The following MTMR14 variants were observed in gnomAD, a reference collection of about 807,000 sequenced individuals.
The protein encoded by MTMR14 is phosphatidylinositol-3,5-bisphosphate 3-phosphatase MTMR14.
Under a neutral mutation model 86.3 loss-of-function variants are expected in MTMR14, and 48 were observed. The observed-to-expected ratio is 0.56, with a 90% CI of 0.44 to 0.71. The LOEUF is 0.71. Among genes scored for constraint, MTMR14 ranks in the 30% least tolerant of loss-of-function variants. The pLI is 0.00. For missense variants in MTMR14, 780 were observed against 834.6 expected, an observed-to-expected ratio of 0.93 and a Z score of 0.81; for synonymous variants, 366 against 326.1, an observed-to-expected ratio of 1.12 and a Z score of -1.32.
intron 1 of MTMR14, chr3:9,650,399 T>G (rs781106124): frequency 2.2e-6 from 1 of 456,256 alleles, no homozygotes; most frequent in South Asian, 1.5e-5. Context: ...TGGCTGGCAG[T>G]GCGGTGGGAA....
rs150843164 is a variant in MTMR14, at chr3:9,664,778, G to A, written c.417+2403G>A. Among the ~76,000 whole-genome samples the A allele has an allele frequency of 2.1e-3, 313 of 152,290 alleles. 4 individuals are homozygous for A. Among genetic ancestry groups the A allele is most frequent in the African/African-American group, 7.3e-3 (305 of 41,564 alleles). On this transcript the variant is annotated intron_variant, in intron 3 of 18. Coordinates refer to ENST00000296003, the MANE Select transcript of MTMR14 (RefSeq NM_001077525.3). ...AAAGGGTTCTGACAGGAACAAGGGG[G>A]AGGAGTGGGGATGGTTAATGGGTGC...
intron 18 of MTMR14, chr3:9,699,975 A>C (rs1295619273): frequency 6.6e-6 from 1 of 152,268 alleles, no homozygotes; most frequent in Non-Finnish European, 1.5e-5. Flanking sequence ...ATGGTAGTAC[A>C]GGAATCCAGT....
chr3:9,660,245 C>T (rs1031579189), intron 2 of MTMR14, among the ~76,000 whole-genome samples: 13 of 151,880 alleles, frequency 8.6e-5, no homozygotes, highest in African/African-American at 3.1e-4. Flanking sequence ...GTTGCTGCCA[C>T]CCTACGGGCA....
At chr3:9,691,763 C>T (rs1389035279) in intron 17 of MTMR14, among the ~76,000 whole-genome samples, 2 of 152,140 alleles carry the variant, frequency 1.3e-5, no homozygotes, top group Admixed American at 6.5e-5. Context: ...CCACCAAGGC[C>T]CCCTCTTGGG....
intron 17 of MTMR14, among the ~76,000 whole-genome samples, chr3:9,695,439 C>T (rs990509066): frequency 6.6e-6 from 1 of 152,118 alleles, no homozygotes; most frequent in African/African-American, 2.4e-5. Flanking sequence ...TGCTTCTGTC[C>T]CCTGGGATCA....
intron 17 of MTMR14, among the ~76,000 whole-genome samples, chr3:9,697,450 C>T (rs1399798248): frequency 6.6e-6 from 1 of 152,236 alleles, no homozygotes; most frequent in Non-Finnish European, 1.5e-5. Context: ...CCGATTCACT[C>T]TTACTGCCAT....
At chr3:9,666,133 G>GTTTTTTT (rs1241278468) in intron 3 of MTMR14, among the ~76,000 whole-genome samples, 1 of 117,296 alleles carries the variant, frequency 8.5e-6, no homozygotes, top group African/African-American at 3.4e-5. Context: ...AAGTTTGTTG[G>GTTTTTTT]TTTTTTTTTT....
chr3:9,663,501 C>CTCTTT (rs2048061386), intron 3 of MTMR14, among the ~76,000 whole-genome samples: 10 of 69,972 alleles, frequency 1.4e-4, no homozygotes, highest in East Asian at 1.0e-3. Context: ...GAGTCTCTCT[C>CTCTTT]TTTTTTTTTT....
intron 12 of MTMR14, 47 bp from the exon 13 acceptor site, chr3:9,685,153 CTCTTGGCCTTG>C: frequency 1.2e-6 from 2 of 1,610,924 alleles, no homozygotes; most frequent in South Asian, 2.2e-5. Flanking sequence ...TGACCCTGTC[CTCTTGGCCTTG>C]TCATCTTGGT....
At chr3:9,674,249 T>A (rs1265963202) in intron 7 of MTMR14, among the ~76,000 whole-genome samples, 1 of 152,222 alleles carries the variant, frequency 6.6e-6, no homozygotes, top group African/African-American at 2.4e-5. Flanking sequence ...TCCAAAATAG[T>A]AGCACAGTGT....
intron 1 of MTMR14, chr3:9,650,486 TC>T (rs1389111303): frequency 1.2e-5 from 5 of 429,262 alleles, no homozygotes; most frequent in Non-Finnish European, 2.4e-5. Context: ...GGAATTCTGT[TC>T]CATCCTGCAC....
rs1257137541 is a variant in MTMR14 at position 9,649,734 on chromosome 3, G to T, written c.151G>T (p.Gly51Cys). ...YRAKDGSGTG[G>C]SKVERIEKRC... Reference sequence around the variant, plus strand: ...GGCCAAGGATGGCAGCGGGACCGGCGGCTCTAAGGTGAGATTGGAGGTGCG... The same window carrying T: ...GGCCAAGGATGGCAGCGGGACCGGCTGCTCTAAGGTGAGATTGGAGGTGCG... The change falls in exon 1 of 19, where the codon GGC becomes TGC. Residue 51 changes from glycine to cysteine, a missense_variant. Transcript: ENST00000296003. 3 of 1,613,342 alleles carry T rather than the reference G, an allele frequency of 1.9e-6. No homozygotes were observed. Among genetic ancestry groups the T allele is most frequent in the Admixed American group, 1.7e-5 (1 of 59,932 alleles).
chr3:9,660,405 C>T (rs750940594), intron 2 of MTMR14, among the ~76,000 whole-genome samples: 13 of 151,974 alleles, frequency 8.6e-5, no homozygotes, highest in African/African-American at 3.1e-4. Context: ...ATTACAGGCA[C>T]GCGCCACCAC....
At chr3:9,690,865 A>C (rs1039715079) in intron 17 of MTMR14, among the ~76,000 whole-genome samples, 12 of 152,220 alleles carry the variant, frequency 7.9e-5, no homozygotes, top group Non-Finnish European at 1.3e-4. Context: ...TCAGGCCCTT[A>C]GTGAATTCCA....
At chr3:9,683,423 T>G in intron 10 of MTMR14, 179 bp downstream of exon 10, 1 of 630,900 alleles carries the variant, frequency 1.6e-6, no homozygotes, top group South Asian at 1.8e-5. Context: ...GGTGGCTTTA[T>G]TCCATGTCCT....
Position 9,690,001 on chromosome 3 carries a change from T to C in MTMR14, c.1471T>C (p.Trp491Arg), listed in dbSNP as rs2076088241. The C allele has an allele frequency of 2.5e-6, 4 of 1,611,714 alleles. No homozygotes were observed. Among genetic ancestry groups the C allele is most frequent in the South Asian group, 1.1e-5 (1 of 90,822 alleles). The change falls in exon 17 of 19, where the codon TGG (tryptophan) becomes CGG (arginine). Residue 491 changes from tryptophan (W) to arginine (R), a missense_variant. Trp to Arg is a moderately radical substitution (Grantham distance 101, BLOSUM62 -3). Coordinates refer to ENST00000296003, the MANE Select transcript of MTMR14 (RefSeq NM_001077525.3). ...CTCATCCTCTCCACAGAGTGTCCTCTGGAACCGGCCACAACCCTCAGAGGA... is the reference window on the plus strand; with the variant it reads ...CTCATCCTCTCCACAGAGTGTCCTCCGGAACCGGCCACAACCCTCAGAGGA... Reference protein sequence around the residue: ...SHSSSPQSVLWNRPQPSEDRL... With the variant: ...SHSSSPQSVLRNRPQPSEDRL...
At chr3:9,665,279 CAAA>C (rs748046896) in intron 3 of MTMR14, among the ~76,000 whole-genome samples, 10 of 67,014 alleles carry the variant, frequency 1.5e-4, no homozygotes, top group Non-Finnish European at 1.6e-4. Flanking sequence ...GAGACTGTCT[CAAA>C]AAAAAAAAAA....
chr3:9,697,609 A>G, intron 17 of MTMR14, 102 bp from the exon 18 acceptor site: 1 of 1,343,222 alleles, frequency 7.4e-7, no homozygotes, highest in Non-Finnish European at 1.0e-6. Context: ...TGACAACAGA[A>G]CCTAGCAGCC....
At chr3:9,657,889 T>C (rs1016439779) in intron 2 of MTMR14, among the ~76,000 whole-genome samples, 5 of 152,136 alleles carry the variant, frequency 3.3e-5, no homozygotes, top group Admixed American at 6.5e-5. Flanking sequence ...CCCAGAGAAG[T>C]AATTTGCCTT....
Sources: allele counts gnomAD v4.1 joint callset (sites outside exome capture counted in the v4.1 genomes callset), GRCh38; gene constraint gnomAD v4.1.1; transcripts MANE v1.5; gene names NCBI Gene and HGNC (gene_info 2026-07-23, HGNC 2026-07-21).